The following PPIP5K1 variants were observed in gnomAD, a reference collection of about 807,000 sequenced individuals.
The protein encoded by PPIP5K1 is diphosphoinositol pentakisphosphate kinase 1.
A neutral mutation model predicts 27.7 loss-of-function variants in PPIP5K1; 6 were observed. The observed-to-expected ratio is 0.22, with a 90% CI of 0.12 to 0.43. PPIP5K1 has a LOEUF of 0.43. Among genes scored for constraint, PPIP5K1 ranks in the 20% least tolerant of loss-of-function variants. PPIP5K1 has a pLI of 1.00. For missense variants in PPIP5K1, 394 were observed against 635.4 expected (o/e 0.62, Z 4.08); for synonymous variants, 145 against 242.6 (o/e 0.60, Z 3.74).
intron 29 of PPIP5K1, among the ~76,000 whole-genome samples, chr15:43,559,467 G>C (rs1440630267): frequency 1.3e-5 from 2 of 152,182 alleles, no homozygotes; most frequent in Non-Finnish European, 2.9e-5. Context: ...ATGCAAACTG[G>C]AGGGCATGCA....
intron 30 of PPIP5K1, among the ~76,000 whole-genome samples, chr15:43,546,582 T>G (rs1355301039): frequency 1.3e-5 from 2 of 151,840 alleles, no homozygotes; most frequent in Non-Finnish European, 1.5e-5. Context: ...TGAGCCATCA[T>G]CCTCAGCTTT....
intron 30 of PPIP5K1, among the ~76,000 whole-genome samples, chr15:43,540,302 T>G (rs945619946): frequency 6.6e-6 from 1 of 151,672 alleles, no homozygotes; most frequent in African/African-American, 2.4e-5. Flanking sequence ...TGGTGGCTCA[T>G]GCCTGTAAAC....
chr15:43,542,306 G>T (rs557396366), intron 30 of PPIP5K1, among the ~76,000 whole-genome samples: 1 of 151,458 alleles, frequency 6.6e-6, no homozygotes, highest in Non-Finnish European at 1.5e-5. Context: ...TTTGGCGGGG[G>T]GGGGGGGCAG....
intron 30 of PPIP5K1, among the ~76,000 whole-genome samples, chr15:43,556,454 T>A (rs910635972): frequency 8.6e-5 from 13 of 151,142 alleles, no homozygotes; most frequent in Admixed American, 6.6e-4. Flanking sequence ...CTGGCCAACA[T>A]GGCGAAATCC....
At chr15:43,544,014 C>A (rs1249797242) in intron 30 of PPIP5K1, among the ~76,000 whole-genome samples, 1 of 151,830 alleles carries the variant, frequency 6.6e-6, no homozygotes, top group Non-Finnish European at 1.5e-5. Flanking sequence ...AGGGTCATTT[C>A]TTTCTTTTTT....
At chr15:43,547,924 T>C (rs546433773) in intron 30 of PPIP5K1, among the ~76,000 whole-genome samples, 1 of 152,352 alleles carries the variant, frequency 6.6e-6, no homozygotes, top group South Asian at 2.1e-4. Flanking sequence ...ATTAAATCCA[T>C]AGATCGCTTT....
chr15:43,544,896 G>A (rs928085270), intron 30 of PPIP5K1, among the ~76,000 whole-genome samples: 4 of 152,036 alleles, frequency 2.6e-5, no homozygotes, highest in Non-Finnish European at 2.9e-5. Context: ...TGGATTATTG[G>A]GGCCGGGCGT....
chr15:43,565,543 A>C (rs2084084508), intron 26 of PPIP5K1, among the ~76,000 whole-genome samples: 1 of 146,332 alleles, frequency 6.8e-6, no homozygotes, highest in Admixed American at 6.7e-5. Flanking sequence ...TGAAAGTATG[A>C]GGCTCACAAT....
intron 31 of PPIP5K1, chr15:43,536,366 C>T: frequency 9.4e-6 from 2 of 212,738 alleles, no homozygotes; most frequent in South Asian, 1.1e-4. Flanking sequence ...TTGCAGTGAG[C>T]CGAAATTGTG....
At chr15:43,544,917 G>A (rs934412842) in intron 30 of PPIP5K1, among the ~76,000 whole-genome samples, 11 of 152,092 alleles carry the variant, frequency 7.2e-5, no homozygotes, top group African/African-American at 2.2e-4. Context: ...GGTGGCTCAC[G>A]CCTGTAATTA....
At chr15:43,558,961 T>A in intron 29 of PPIP5K1, 29 bp from the exon 30 acceptor site, 1 of 1,610,914 alleles carries the variant, frequency 6.2e-7, no homozygotes, top group Non-Finnish European at 8.5e-7. Flanking sequence ...GCAAAGTCAA[T>A]GTTACTCCTG....
intron 30 of PPIP5K1, among the ~76,000 whole-genome samples, chr15:43,550,672 C>G (rs1483919254): frequency 2.6e-5 from 4 of 152,130 alleles, no homozygotes; most frequent in Non-Finnish European, 2.9e-5. Flanking sequence ...AGCCGGCATT[C>G]TTGTCTTGTT....
chr15:43,535,173 C>A lies in PPIP5K1; in HGVS notation c.3974G>T (p.Cys1325Phe). The A allele has an allele frequency of 6.2e-7, 1 of 1,613,372 alleles. No individual in the cohort carries two copies. The highest frequency in any genetic ancestry group is 2.2e-5 in the East Asian group (1 of 44,828). Residue 1325 changes from cysteine to phenylalanine, a missense_variant, in exon 32 of 32, where the codon TGC (cysteine) becomes TTC (phenylalanine). Physicochemically the swap from Cys to Phe is radical, Grantham distance 205. Around this residue, in one of 4 missense-constraint regions of PPIP5K1, gnomAD observed 379 missense variants for 423.9 expected, o/e 0.89. Transcript: ENST00000420765. The part of the protein sequence containing the change: ...CQEVPDISQP[C>F]QDISEALSQP... ...GCTGAGCGCCTCAGAAATGTCCTGG[C>A]ATGGCTGGCTGATGTCAGGGACCTC...
intron 30 of PPIP5K1, among the ~76,000 whole-genome samples, chr15:43,549,115 T>A (rs1421852388): frequency 7.0e-6 from 1 of 143,576 alleles, no homozygotes; most frequent in African/African-American, 2.6e-5. Context: ...GGGCCTTATG[T>A]TGCCTAGGCT....
Position 43,534,440 on chromosome 15 carries a change from G to A in PPIP5K1, c.*234C>T, listed in dbSNP as rs2079566243. The A allele has an allele frequency of 2.5e-6, 1 of 405,180 alleles. No homozygotes were observed. Among genetic ancestry groups the A allele is most frequent in the Admixed American group, 4.0e-5 (1 of 25,254 alleles). The allele number at this position is 405,180 out of a possible 1,614,324, so 25.1% of individuals were successfully genotyped here. A position where few individuals can be genotyped will look rare whatever the true frequency, so the allele number is the denominator to read the frequency against. ...AAAGAGAACTACTTCCCCAGACACCGCTGGTGAGAGCTGGCCAGTGAGTTA... is the reference window on the plus strand; with the variant it reads ...AAAGAGAACTACTTCCCCAGACACCACTGGTGAGAGCTGGCCAGTGAGTTA... On this transcript the variant is annotated 3_prime_UTR_variant, in exon 32 of 32. Coordinates refer to ENST00000420765, the MANE Select transcript of PPIP5K1 (RefSeq NM_001394395.1).
intron 30 of PPIP5K1, among the ~76,000 whole-genome samples, chr15:43,546,501 G>A (rs570355053): frequency 2.0e-5 from 3 of 152,028 alleles, no homozygotes; most frequent in South Asian, 4.1e-4. Context: ...ATGTTGTCCA[G>A]GCTGGTCTTG....
rs1314338485 is a variant in PPIP5K1 at position 43,557,463 on chromosome 15, G to A, written c.3556+1332C>T. Reference sequence around the variant, plus strand: ...ACTCTGTCTCAAAAAAAGTCTTTGTGTCACACCTGTAATGCCAGTGCTTTG... The same window carrying A: ...ACTCTGTCTCAAAAAAAGTCTTTGTATCACACCTGTAATGCCAGTGCTTTG... On this transcript the variant is annotated intron_variant, in intron 30 of 31. Transcript: ENST00000420765. Among the ~76,000 whole-genome samples, 11 of 152,098 alleles carry A rather than the reference G, an allele frequency of 7.2e-5. No individual in the cohort carries two copies. The East Asian group carries it at 2.1e-3, about 29-fold the overall frequency.
chr15:43,543,444 C>CA (rs551026490), intron 30 of PPIP5K1, among the ~76,000 whole-genome samples: 153 of 144,660 alleles, frequency 1.1e-3, no homozygotes, highest in African/African-American at 1.8e-3. Flanking sequence ...ACAAACAAAA[C>CA]AAAAAAAAAA....
rs373945974 is a variant in PPIP5K1, at chr15:43,535,174, A to T, written c.3973T>A (p.Cys1325Ser). The change falls in exon 32 of 32, where the codon TGC becomes AGC. Residue 1325 changes from cysteine (C) to serine (S), a missense_variant. By Grantham distance (112) the Cys-to-Ser change is moderately radical. Coordinates refer to ENST00000420765, the MANE Select transcript of PPIP5K1 (RefSeq NM_001394395.1). Reference sequence around the variant, plus strand: ...CTGAGCGCCTCAGAAATGTCCTGGCATGGCTGGCTGATGTCAGGGACCTCC... The same window carrying T: ...CTGAGCGCCTCAGAAATGTCCTGGCTTGGCTGGCTGATGTCAGGGACCTCC... ...CQEVPDISQP[C>S]QDISEALSQP... 6.2e-7 allele frequency: 1 copy of T among 1,612,978 alleles called. No homozygotes were observed. Among genetic ancestry groups the T allele is most frequent in the African/African-American group, 1.3e-5 (1 of 74,452 alleles).
Sources: gnomAD v4.1 joint callset for allele counts (sites outside exome capture counted in the v4.1 genomes callset) on GRCh38, gnomAD v4.1.1 for gene constraint, gnomAD v4.1.1 regional missense constraint, MANE v1.5 for transcripts, NCBI Gene and HGNC (gene_info 2026-07-23, HGNC 2026-07-21) for gene names.